Variants in VPS13D observed in about 807,000 individuals in gnomAD.
VPS13D encodes the protein intermembrane lipid transfer protein VPS13D.
Under a neutral mutation model 461.9 loss-of-function variants are expected in VPS13D, and 187 were observed. That is an observed-to-expected ratio of 0.40 (90% CI 0.36 to 0.46). The LOEUF (loss-of-function observed/expected upper bound fraction) is 0.46, where lower values mean the gene tolerates loss of function less well. Among genes scored for constraint, VPS13D ranks in the 20% least tolerant of loss-of-function variants. The pLI is 0.60. For missense variants in VPS13D, 4,711 were observed against 5,364.9 expected (o/e 0.88, Z 3.81); for synonymous variants, 1,951 against 1,986.3 (o/e 0.98, Z 0.47).
intron 37 of VPS13D, among the ~76,000 whole-genome samples, chr1:12,331,605 G>A (rs1386631945): frequency 1.3e-5 from 2 of 151,350 alleles, no homozygotes; most frequent in Non-Finnish European, 2.9e-5. Context: ...CCAGCTACTC[G>A]GGAGGCTGAG....
chr1:12,234,427 G>C (rs958125351), intron 2 of VPS13D, 64 bp downstream of exon 2: 7 of 1,366,404 alleles, frequency 5.1e-6, no homozygotes, highest in Non-Finnish European at 7.2e-6. Flanking sequence ...TATTTTTTTT[G>C]TTGTCCTGAG....
intron 42 of VPS13D, 150 bp downstream of exon 42, chr1:12,343,201 T>G (rs958934112): frequency 4.7e-6 from 3 of 637,452 alleles, no homozygotes; most frequent in Admixed American, 8.8e-5. Flanking sequence ...AGACAGGGTC[T>G]TCTTGCTCTG....
intron 50 of VPS13D, among the ~76,000 whole-genome samples, chr1:12,360,025 C>T (rs1478541324): frequency 6.6e-6 from 1 of 152,144 alleles, no homozygotes; most frequent in Non-Finnish European, 1.5e-5. Flanking sequence ...TAGCAGCTAG[C>T]ACTAAGAACC....
At chr1:12,388,302 A>C (rs1013784240) in intron 60 of VPS13D, among the ~76,000 whole-genome samples, 1 of 152,150 alleles carries the variant, frequency 6.6e-6, no homozygotes, top group African/African-American at 2.4e-5. Flanking sequence ...AGGCCAGGTG[A>C]GGTGGCTCAC....
chr1:12,462,339 A>C (rs1645423840), intron 67 of VPS13D, among the ~76,000 whole-genome samples: 1 of 152,176 alleles, frequency 6.6e-6, no homozygotes, highest in East Asian at 1.9e-4. Flanking sequence ...TGGAGTATGA[A>C]GTAGGAGTTG....
chr1:12,485,312 G>A (rs1645783090), intron 67 of VPS13D, among the ~76,000 whole-genome samples: 1 of 152,174 alleles, frequency 6.6e-6, no homozygotes, highest in African/African-American at 2.4e-5. Context: ...AGCTTGCAAT[G>A]CACGCAAACT....
chr1:12,303,952 A>C (rs957955619), intron 25 of VPS13D, among the ~76,000 whole-genome samples: 13 of 152,196 alleles, frequency 8.5e-5, no homozygotes, highest in Non-Finnish European at 1.5e-4. Flanking sequence ...AGCCCTTCTT[A>C]ATTTGTATGT....
Position 12,398,343 on chromosome 1 carries a change from A to C in VPS13D, c.11635-1838A>C, listed in dbSNP as rs112897045. On this transcript the variant is annotated intron_variant, in intron 60 of 69. Coordinates refer to ENST00000620676, the MANE Select transcript of VPS13D (RefSeq NM_015378.4). ...ACTTACAAGCTGTGCGAATGAGGGCAAGTAGTTTAACTTTTTTTTCTTTTT... is the reference window on the plus strand; with the variant it reads ...ACTTACAAGCTGTGCGAATGAGGGCCAGTAGTTTAACTTTTTTTTCTTTTT... 4.7e-3 allele frequency among the ~76,000 whole-genome samples: 717 copies of C among 152,194 alleles called. 5 individuals are homozygous for C. The highest frequency in any genetic ancestry group is 0.016 in the African/African-American group (677 of 41,536).
intron 58 of VPS13D, 93 bp from the exon 59 acceptor site, chr1:12,385,166 TA>T: frequency 1.1e-6 from 1 of 925,444 alleles, no homozygotes; most frequent in Non-Finnish European, 1.7e-6. Flanking sequence ...ATTGATTATA[TA>T]ATGACTTTTG....
rs1469588223 is a variant in VPS13D, at chr1:12,349,294, C to G, written c.9351C>G (p.Thr3117=). ...VFFCKAPIHW[T]NVVKTAEISS... ...TCTGTAAGGCTCCCATTCATTGGAC[C>G]AATGTAGTGAAGACTGCAGAAATTA... is the stretch of plus-strand genomic sequence containing the variant. Residue 3117 remains threonine (T), a synonymous_variant, in exon 46 of 70, where the codon ACC becomes ACG. Coordinates refer to ENST00000620676, the MANE Select transcript of VPS13D (RefSeq NM_015378.4). The G allele has an allele frequency of 3.1e-6, 5 of 1,614,054 alleles. No individual in the cohort carries two copies. Among genetic ancestry groups the G allele is most frequent in the Middle Eastern group, 1.6e-4 (1 of 6,062 alleles).
At chr1:12,447,403 G>A (rs1645206203) in intron 65 of VPS13D, among the ~76,000 whole-genome samples, 1 of 152,156 alleles carries the variant, frequency 6.6e-6, no homozygotes, top group Admixed American at 6.5e-5. Flanking sequence ...TGAGGATTAA[G>A]CTAGTTAAAT....
intron 60 of VPS13D, among the ~76,000 whole-genome samples, chr1:12,387,614 G>A (rs1400394032): frequency 6.6e-6 from 1 of 151,938 alleles, no homozygotes; most frequent in African/African-American, 2.4e-5. Flanking sequence ...AATTTTTGGA[G>A]GACGTTAAAA....
At chr1:12,385,848 T>C (rs1394203557) in intron 59 of VPS13D, among the ~76,000 whole-genome samples, 1 of 152,206 alleles carries the variant, frequency 6.6e-6, no homozygotes, top group African/African-American at 2.4e-5. Flanking sequence ...GTGTAGTGGA[T>C]AACAGATTAT....
chr1:12,490,927 G>T (rs976800305), intron 67 of VPS13D, among the ~76,000 whole-genome samples: 2 of 152,206 alleles, frequency 1.3e-5, no homozygotes, highest in Non-Finnish European at 2.9e-5. Flanking sequence ...ATACCAGAGG[G>T]TTTTTCACCA....
chr1:12,412,391 AC>A, intron 63 of VPS13D, among the ~76,000 whole-genome samples: 1 of 152,216 alleles, frequency 6.6e-6, no homozygotes, highest in Non-Finnish European at 1.5e-5. Flanking sequence ...GAGAGCTTAC[AC>A]TATTCGATTT....
At chr1:12,345,222 T>C in intron 42 of VPS13D, 152 bp from the exon 43 acceptor site, 2 of 801,606 alleles carry the variant, frequency 2.5e-6, no homozygotes, top group South Asian at 2.3e-5. Context: ...TAAACTGTGC[T>C]CCTGATTTCC....
At chr1:12,471,453 C>T (rs760844572) in intron 67 of VPS13D, among the ~76,000 whole-genome samples, 1 of 152,188 alleles carries the variant, frequency 6.6e-6, no homozygotes, top group East Asian at 1.9e-4. Flanking sequence ...AACCAAAACA[C>T]AGTAATCTCC....
chr1:12,387,379 C>A (rs1306428951), intron 60 of VPS13D, among the ~76,000 whole-genome samples: 1 of 152,186 alleles, frequency 6.6e-6, no homozygotes, highest in Non-Finnish European at 1.5e-5. Context: ...AGGTAAAATT[C>A]ACAATATCTG....
chr1:12,412,545 A>G (rs1644743009), intron 63 of VPS13D, among the ~76,000 whole-genome samples: 1 of 152,242 alleles, frequency 6.6e-6, no homozygotes, highest in African/African-American at 2.4e-5. Flanking sequence ...ATACTGCGGT[A>G]GTGGAACGGA....
Sources: allele counts gnomAD v4.1 joint callset (sites outside exome capture counted in the v4.1 genomes callset), GRCh38; gene constraint gnomAD v4.1.1; transcripts MANE v1.5; gene names NCBI Gene and HGNC (gene_info 2026-07-23, HGNC 2026-07-21).